ALPK2: variants seen among roughly 807,000 people sequenced by gnomAD.
The protein encoded by ALPK2 is alpha-protein kinase 2.
ALPK2 carries 127 observed loss-of-function variants against 163.1 expected under a neutral mutation model. The observed-to-expected ratio is 0.78, with a 90% confidence interval of 0.67 to 0.90. The LOEUF (loss-of-function observed/expected upper bound fraction) is 0.90. Among genes scored for constraint, ALPK2 ranks in the 40% least tolerant of loss-of-function variants. ALPK2 has a pLI of 0.00. For missense variants in ALPK2, 2,360 were observed against 2,589.6 expected, an observed-to-expected ratio of 0.91 and a Z score of 1.92; for synonymous variants, 953 against 959.1, an observed-to-expected ratio of 0.99 and a Z score of 0.12.
intron 4 of ALPK2, among the ~76,000 whole-genome samples, chr18:58,573,080 T>C (rs938177051): frequency 6.6e-6 from 1 of 152,034 alleles, no homozygotes; most frequent in African/African-American, 2.4e-5. Flanking sequence ...TTGTAAATGG[T>C]ATCTAGATCT....
intron 3 of ALPK2, among the ~76,000 whole-genome samples, chr18:58,582,645 C>T (rs28713567): frequency 0.14 from 21,836 of 151,866 alleles, 1,702 homozygotes; most frequent in African/African-American, 0.17. Flanking sequence ...GGCACATCCT[C>T]AAGGGGTCCT....
intron 5 of ALPK2, among the ~76,000 whole-genome samples, chr18:58,530,423 G>A (rs1265016558): frequency 6.6e-6 from 1 of 152,184 alleles, no homozygotes; most frequent in Non-Finnish European, 1.5e-5. Flanking sequence ...ATTTGGGCCT[G>A]CTGGTTCCTG....
At chr18:58,492,116 C>T (rs572586768) in intron 12 of ALPK2, among the ~76,000 whole-genome samples, 1 of 152,160 alleles carries the variant, frequency 6.6e-6, no homozygotes, top group East Asian at 1.9e-4. Flanking sequence ...GCTCCTTCCC[C>T]TCTGCCTTCA....
intron 3 of ALPK2, among the ~76,000 whole-genome samples, chr18:58,594,269 G>A (rs1432738814): frequency 6.6e-6 from 1 of 151,980 alleles, no homozygotes; most frequent in Non-Finnish European, 1.5e-5. Context: ...ACAAGAAGTG[G>A]GCAAACTGAT....
At chr18:58,538,902 C>T (rs754216424) in intron 4 of ALPK2, among the ~76,000 whole-genome samples, 1 of 151,852 alleles carries the variant, frequency 6.6e-6, no homozygotes, top group Non-Finnish European at 1.5e-5. Context: ...CCCACCCCCA[C>T]CCTGCTTCCT....
intron 4 of ALPK2, among the ~76,000 whole-genome samples, chr18:58,561,861 G>C (rs61403325): frequency 0.011 from 1,654 of 152,286 alleles, 22 homozygotes; most frequent in African/African-American, 0.038. Context: ...GCAGCTGCAG[G>C]GAACCTAGGT....
intron 1 of ALPK2, among the ~76,000 whole-genome samples, chr18:58,612,425 A>G (rs1376646387): frequency 6.6e-6 from 1 of 152,228 alleles, no homozygotes; most frequent in East Asian, 1.9e-4. Context: ...GCCCTAGGGG[A>G]AGGCAGGCAC....
At position 58,482,376 on chromosome 18, in the gene ALPK2, C is replaced by T. The variant is rs147161254; in HGVS notation, c.6297-337G>A. ...CCAGTGCTGGGCTATTTTGATAAAA[C>T]ACAGATCTCTTAGTGATCGAAAGCC... On this transcript the variant is annotated intron_variant, in intron 12 of 12. Transcript: ENST00000361673. 5.8e-3 allele frequency among the ~76,000 whole-genome samples: 885 copies of T among 152,192 alleles called. 8 individuals are homozygous for T. Among genetic ancestry groups the T allele is most frequent in the Non-Finnish European group, 7.0e-3 (479 of 68,006 alleles).
intron 12 of ALPK2, among the ~76,000 whole-genome samples, chr18:58,487,134 C>G (rs1175009321): frequency 2.6e-5 from 4 of 152,014 alleles, no homozygotes; most frequent in African/African-American, 9.7e-5. Flanking sequence ...CCCAGAACCT[C>G]AGAATGTGAC....
At chr18:58,544,383 C>T (rs552604498) in intron 4 of ALPK2, 16 of 152,154 alleles carry the variant, frequency 1.1e-4, no homozygotes, top group Non-Finnish European at 2.1e-4. Flanking sequence ...CCAGGATGTT[C>T]AAGGTTATGC....
rs183077128 is a variant in ALPK2 at position 58,523,841 on chromosome 18, A to G, written c.5630T>C (p.Val1877Ala). Residue 1877 changes from valine to alanine, a missense_variant and splice_region_variant, in exon 8 of 13, where the codon GTT (valine) becomes GCT (alanine). Transcript: ENST00000361673. ...VTAEFNLTAE[V>A]LKQLSSRQDT... ...CTGGCGACTTGACAGCTGTTTGAGAACTAGAAGAAGACAAAGCAGAGAATG... is the reference window on the plus strand; with the variant it reads ...CTGGCGACTTGACAGCTGTTTGAGAGCTAGAAGAAGACAAAGCAGAGAATG... The G allele has an allele frequency of 2.7e-4, 429 of 1,614,156 alleles. No individual in the cohort carries two copies. Among genetic ancestry groups the G allele is most frequent in the Non-Finnish European group, 3.5e-4 (417 of 1,180,004 alleles).
chr18:58,532,280 C>T (rs1178673515), intron 5 of ALPK2, among the ~76,000 whole-genome samples: 1 of 152,166 alleles, frequency 6.6e-6, no homozygotes, highest in Non-Finnish European at 1.5e-5. Flanking sequence ...AAAGTGGGTG[C>T]CAGTGTTCCA....
chr18:58,529,534 T>A (rs2051601439), intron 5 of ALPK2, among the ~76,000 whole-genome samples: 1 of 152,188 alleles, frequency 6.6e-6, no homozygotes, highest in Non-Finnish European at 1.5e-5. Context: ...GTGGGAGGAT[T>A]TTAGATATCT....
At chr18:58,600,166 AGCTGGGATTACAGGCTCAC>A (rs1228789464) in intron 3 of ALPK2, among the ~76,000 whole-genome samples, 2 of 149,908 alleles carry the variant, frequency 1.3e-5, no homozygotes, top group African/African-American at 4.9e-5. Context: ...CCTCCCGAGT[AGCTGGGATTACAGGCTCAC>A]GCCACCATGC....
intron 4 of ALPK2, among the ~76,000 whole-genome samples, chr18:58,563,669 T>G (rs1038771036): frequency 9.2e-5 from 14 of 152,224 alleles, no homozygotes; most frequent in Non-Finnish European, 1.5e-5. Context: ...TCCAAGCATT[T>G]AAAAAATATC....
At chr18:58,556,169 T>A (rs982597685) in intron 4 of ALPK2, among the ~76,000 whole-genome samples, 6 of 149,000 alleles carry the variant, frequency 4.0e-5, no homozygotes, top group African/African-American at 7.6e-5. Flanking sequence ...GGACTAGATC[T>A]CACACACACA....
intron 3 of ALPK2, among the ~76,000 whole-genome samples, chr18:58,583,462 A>G (rs941827331): frequency 6.6e-6 from 1 of 152,126 alleles, no homozygotes; most frequent in African/African-American, 2.4e-5. Flanking sequence ...TGTCTTCTTC[A>G]TGAACCTTTT....
chr18:58,536,722 T>C lies in ALPK2; in HGVS notation c.3465A>G (p.Gln1155=), dbSNP rs1261150588. Residue 1155 remains glutamine, a synonymous_variant, in exon 5 of 13, where the codon CAA becomes CAG. Transcript: ENST00000361673. ...GTGCAGCAGATGTCGTAGGCAAACT[T>C]TGTTGGAAATCAGGTGCAGAAAGAG... ...QGSLSAPDFQ[Q]SLPTTSAAQE... 1 of 1,613,998 alleles carries C rather than the reference T, an allele frequency of 6.2e-7. No homozygotes were observed. The highest frequency in any genetic ancestry group is 8.5e-7 in the Non-Finnish European group (1 of 1,180,010).
rs1243131711 is a variant in ALPK2, at chr18:58,579,583, G to T, written c.1193C>A (p.Ala398Asp). ...SGDAGPMVAT[A>D]GFCGHHSQPQ... ...TTGTGAGTGATGACCACAGAAGCCA[G>T]CAGTGGCAACCATAGGCCCAGCGTC... The change falls in exon 4 of 13, where the codon GCT becomes GAT. Residue 398 changes from alanine to aspartate, a missense_variant. Ala to Asp is a moderately radical substitution (Grantham distance 126). Transcript: ENST00000361673. 2.2e-5 allele frequency: 35 copies of T among 1,613,428 alleles called. No individual in the cohort carries two copies. Among genetic ancestry groups the T allele is most frequent in the Non-Finnish European group, 2.7e-5 (32 of 1,180,002 alleles).
Sources: gnomAD v4.1 joint callset for allele counts (sites outside exome capture counted in the v4.1 genomes callset) on GRCh38, gnomAD v4.1.1 for gene constraint, MANE v1.5 for transcripts, NCBI Gene and HGNC (gene_info 2026-07-23, HGNC 2026-07-21) for gene names.